The following BLTP1 variants were observed in gnomAD, a reference collection of about 807,000 sequenced individuals.
BLTP1 encodes the protein fragile site-associated protein.
the BLTP1 span, chr4:122,292,324 T>C: frequency 2.2e-6 from 2 of 926,082 alleles, no homozygotes; most frequent in Non-Finnish European, 2.6e-6. Context: ...ACAAAGCCAT[T>C]ATTTTTTTTG....
At chr4:122,262,188 A>G in the BLTP1 span, among the ~76,000 whole-genome samples, 22,687 of 72,374 alleles carry the variant, frequency 0.31, 2,201 homozygotes, top group Middle Eastern at 0.49. Flanking sequence ...GTGTGTGTGT[A>G]TAGTAAGTTT....
At chr4:122,353,736 T>C in the BLTP1 span, 1 of 1,474,132 alleles carries the variant, frequency 6.8e-7, no homozygotes, top group South Asian at 1.4e-5. This position sits in a 1 kb window ranked among gnomAD's most constrained non-coding sequence, Gnocchi z 4.3. Flanking sequence ...ACTGAATTTA[T>C]AGCTCTGAGG....
chr4:122,344,137 C>A, the BLTP1 span: 2 of 416,600 alleles, frequency 4.8e-6, no homozygotes, highest in Non-Finnish European at 6.4e-6. Context: ...TATTCCACGT[C>A]AATTCTAGTT....
At chr4:122,350,471 G>A in the BLTP1 span, 148 of 840,886 alleles carry the variant, frequency 1.8e-4, 2 homozygotes, top group East Asian at 0.012. Context: ...ACAACCATGT[G>A]CTTAGGCACT....
At chr4:122,220,585 T>C in the BLTP1 span, 2 of 847,450 alleles carry the variant, frequency 2.4e-6, no homozygotes, top group Non-Finnish European at 3.6e-6. Context: ...AGTTGGAGAC[T>C]TTTAAGTTAA....
chr4:122,193,508 T>C, the BLTP1 span: 2 of 298,226 alleles, frequency 6.7e-6, no homozygotes, highest in Non-Finnish European at 9.6e-6. Flanking sequence ...TATAATGTCA[T>C]TTTATTTTAA....
At chr4:122,314,428 A>G in the BLTP1 span, among the ~76,000 whole-genome samples, 30,754 of 152,132 alleles carry the variant, frequency 0.2, 4,060 homozygotes, top group Non-Finnish European at 0.28. Flanking sequence ...TTAGAGGGCA[A>G]AAAAGCCTAG....
At chr4:122,209,883 C>A in the BLTP1 span, 2 of 1,613,408 alleles carry the variant, frequency 1.2e-6, no homozygotes, top group Middle Eastern at 1.7e-4. Context: ...ACATGGCATC[C>A]AATTTATCCA....
the BLTP1 span, chr4:122,198,385 T>C: frequency 5.1e-6 from 5 of 985,268 alleles, no homozygotes; most frequent in Non-Finnish European, 6.0e-6. Context: ...AGAAAAGCCA[T>C]ACATCTTTTA....
the BLTP1 span, chr4:122,325,237 G>C: frequency 6.2e-7 from 1 of 1,602,528 alleles, no homozygotes; most frequent in South Asian, 1.1e-5. Flanking sequence ...CAGTTCTCGA[G>C]TAGGAGAAAC....
At chr4:122,335,758 G>A in the BLTP1 span, among the ~76,000 whole-genome samples, 3 of 152,076 alleles carry the variant, frequency 2.0e-5, no homozygotes, top group Non-Finnish European at 4.4e-5. Context: ...GATATATTTA[G>A]TTAGGTAAAA....
the BLTP1 span, among the ~76,000 whole-genome samples, chr4:122,280,446 T>C: frequency 2.6e-5 from 4 of 152,182 alleles, no homozygotes; most frequent in African/African-American, 9.7e-5. Context: ...TTATTCCCTA[T>C]GTCTGTAGCC....
chr4:122,216,583 G>C, the BLTP1 span, among the ~76,000 whole-genome samples: 1 of 152,074 alleles, frequency 6.6e-6, no homozygotes. Flanking sequence ...GTCTATTCAT[G>C]TACTTTGCCC....
chr4:122,216,821 G>A, the BLTP1 span, among the ~76,000 whole-genome samples: 3 of 152,050 alleles, frequency 2.0e-5, no homozygotes, highest in Non-Finnish European at 4.4e-5. Context: ...TGGGCTCTTG[G>A]TGAAGAATTC....
the BLTP1 span, chr4:122,183,511 G>A: frequency 1.0e-6 from 1 of 985,010 alleles, no homozygotes; most frequent in Non-Finnish European, 1.2e-6. Context: ...TCCACAAGCT[G>A]CAATCAATAT....
the BLTP1 span, chr4:122,183,258 C>A: frequency 4.2e-6 from 2 of 480,610 alleles, no homozygotes; most frequent in South Asian, 9.0e-5. Flanking sequence ...ATCACTTGAG[C>A]CATGGAGATT....
At chr4:122,210,903 G>A in the BLTP1 span, 1 of 1,612,160 alleles carries the variant, frequency 6.2e-7, no homozygotes, top group African/African-American at 1.3e-5. Flanking sequence ...AAATGGAAGA[G>A]ACAATGCTAT....
the BLTP1 span, among the ~76,000 whole-genome samples, chr4:122,188,501 A>G: frequency 5.3e-4 from 80 of 152,242 alleles, 1 homozygote; most frequent in South Asian, 3.7e-3. Context: ...CGAAAATTGA[A>G]TCGAAATTAC....
At chr4:122,316,419 A>G in the BLTP1 span, 969 of 478,440 alleles carry the variant, frequency 2.0e-3, 14 homozygotes, top group South Asian at 0.014. Flanking sequence ...TAAATCACCT[A>G]CTAGGCCTGA....
Sources: gnomAD v4.1 joint callset for allele counts (sites outside exome capture counted in the v4.1 genomes callset) on GRCh38, gnomAD v4.1.1 for gene constraint, Gnocchi (gnomAD v3.1) non-coding constraint, MANE v1.5 for transcripts, NCBI Gene and HGNC (gene_info 2026-07-23, HGNC 2026-07-21) for gene names.